Variants in LRP1B observed in about 807,000 individuals in gnomAD.
LRP1B encodes the protein LDL receptor related protein 1B.
In LRP1B, 217 loss-of-function variants were observed where a neutral mutation model predicts 556.6. That is an observed-to-expected ratio of 0.39 (90% CI 0.35 to 0.44). The LOEUF is 0.44. Ranked by LOEUF, LRP1B falls within the 20% of genes least tolerant of loss-of-function variation. LRP1B has a pLI of 1.00. For missense variants in LRP1B, 5,053 were observed against 5,620.8 expected, an observed-to-expected ratio of 0.90 and a Z score of 3.23; for synonymous variants, 2,047 against 1,865.8, an observed-to-expected ratio of 1.10 and a Z score of -2.50.
chr2:141,098,720 C>T (rs1488510013), intron 7 of LRP1B, among the ~76,000 whole-genome samples: 3 of 152,152 alleles, frequency 2.0e-5, no homozygotes, highest in Admixed American at 6.5e-5. Context: ...TGCGATGGCA[C>T]GATCTTGGCT....
intron 1 of LRP1B, among the ~76,000 whole-genome samples, chr2:142,022,367 A>C (rs1703356359): frequency 6.6e-6 from 1 of 151,514 alleles, no homozygotes; most frequent in East Asian, 2.0e-4. Flanking sequence ...TAATTGTATA[A>C]ATTTGAAACA....
chr2:140,249,908 A>G (rs2104904476), intron 86 of LRP1B, among the ~76,000 whole-genome samples: 1 of 152,004 alleles, frequency 6.6e-6, no homozygotes, highest in East Asian at 1.9e-4. Flanking sequence ...TTAAGAAATA[A>G]AATTTGTGCA....
chr2:140,257,983 T>C (rs1681769715), intron 86 of LRP1B, among the ~76,000 whole-genome samples: 1 of 152,148 alleles, frequency 6.6e-6, no homozygotes. Flanking sequence ...GCCTCCTTTC[T>C]ACAAGGCCAA....
chr2:140,298,723 G>A (rs564174532), intron 83 of LRP1B, among the ~76,000 whole-genome samples: 12 of 152,124 alleles, frequency 7.9e-5, no homozygotes, highest in African/African-American at 2.6e-4. Flanking sequence ...AGGATGAAAG[G>A]TCAACAATCC....
At chr2:140,843,585 A>G (rs547419994) in intron 29 of LRP1B, among the ~76,000 whole-genome samples, 1 of 152,272 alleles carries the variant, frequency 6.6e-6, no homozygotes, top group East Asian at 1.9e-4. Flanking sequence ...ATTTCCAGAT[A>G]TTACCTGATC....
intron 21 of LRP1B, among the ~76,000 whole-genome samples, chr2:140,913,268 G>C (rs2105241346): frequency 6.6e-6 from 1 of 151,976 alleles, no homozygotes; most frequent in East Asian, 1.9e-4. Context: ...AGATGGGGAA[G>C]ACAAATTCCT....
intron 1 of LRP1B, among the ~76,000 whole-genome samples, chr2:142,037,219 G>C (rs1321702383): frequency 1.3e-5 from 2 of 151,606 alleles, no homozygotes; most frequent in Non-Finnish European, 3.0e-5. Flanking sequence ...TCACTTCCAT[G>C]CTGCATTCTC....
chr2:141,740,763 T>C, intron 2 of LRP1B, among the ~76,000 whole-genome samples: 1 of 152,186 alleles, frequency 6.6e-6, no homozygotes, highest in East Asian at 1.9e-4. Flanking sequence ...TTAACATAGA[T>C]ACCATGCCAC....
At chr2:140,505,490 A>T (rs1032450757) in intron 53 of LRP1B, among the ~76,000 whole-genome samples, 2 of 152,138 alleles carry the variant, frequency 1.3e-5, no homozygotes, top group African/African-American at 4.8e-5. Context: ...ATTTGACATA[A>T]TATGTTATTG....
chr2:140,767,282 G>C (rs1405965454), intron 35 of LRP1B, among the ~76,000 whole-genome samples: 1 of 151,870 alleles, frequency 6.6e-6, no homozygotes, highest in Non-Finnish European at 1.5e-5. Flanking sequence ...TTTAGAAGAA[G>C]AAATAGCTTT....
At chr2:140,686,984 G>T (rs765268464) in intron 41 of LRP1B, among the ~76,000 whole-genome samples, 1 of 152,074 alleles carries the variant, frequency 6.6e-6, no homozygotes, top group African/African-American at 2.4e-5. Context: ...GAGAAATGCA[G>T]AATAATGATT....
At chr2:140,256,610 A>C (rs1275141379) in intron 86 of LRP1B, among the ~76,000 whole-genome samples, 2 of 150,692 alleles carry the variant, frequency 1.3e-5, no homozygotes, top group Non-Finnish European at 3.0e-5. Flanking sequence ...CTGGGACTAC[A>C]GGCGTGCACC....
At chr2:141,913,817 G>A (rs1394651580) in intron 1 of LRP1B, among the ~76,000 whole-genome samples, 1 of 151,924 alleles carries the variant, frequency 6.6e-6, no homozygotes, top group Non-Finnish European at 1.5e-5. Flanking sequence ...CGTGATCTTG[G>A]CTGACTGCAA....
intron 6 of LRP1B, among the ~76,000 whole-genome samples, chr2:141,203,642 T>C (rs954423818): frequency 1.3e-5 from 2 of 152,034 alleles, no homozygotes; most frequent in Admixed American, 1.3e-4. Flanking sequence ...AATTAACAAA[T>C]ACATTCAGGA....
intron 6 of LRP1B, among the ~76,000 whole-genome samples, chr2:141,211,008 G>C (rs565907473): frequency 5.3e-4 from 81 of 152,080 alleles, no homozygotes; most frequent in African/African-American, 1.9e-3. Context: ...TGTTTATTGA[G>C]AGGCAGTCTC....
At chr2:141,726,768 T>C (rs1693054091) in intron 2 of LRP1B, among the ~76,000 whole-genome samples, 2 of 152,200 alleles carry the variant, frequency 1.3e-5, no homozygotes, top group African/African-American at 4.8e-5. Flanking sequence ...ACAAGAACAA[T>C]GTTAAACAAA....
chr2:140,688,859 T>C (rs1686140393), intron 41 of LRP1B, among the ~76,000 whole-genome samples: 1 of 152,190 alleles, frequency 6.6e-6, no homozygotes, highest in Admixed American at 6.5e-5. Context: ...AGAGAGGCCA[T>C]CTTGATCATC....
intron 23 of LRP1B, among the ~76,000 whole-genome samples, chr2:140,892,196 G>A (rs1392311822): frequency 6.6e-6 from 1 of 152,094 alleles, no homozygotes; most frequent in East Asian, 1.9e-4. Context: ...ATGATTATGG[G>A]AGGAAGAAGA....
chr2:140,471,178 C>A (rs1479599198), intron 60 of LRP1B, among the ~76,000 whole-genome samples: 1 of 152,124 alleles, frequency 6.6e-6, no homozygotes, highest in Non-Finnish European at 1.5e-5. Flanking sequence ...TCTCACTGGA[C>A]CTATTCCATG....
Sources: allele counts gnomAD v4.1 joint callset (sites outside exome capture counted in the v4.1 genomes callset), GRCh38; gene constraint gnomAD v4.1.1; transcripts MANE v1.5; gene names NCBI Gene and HGNC (gene_info 2026-07-23, HGNC 2026-07-21).